Variants in EXD2 observed in about 807,000 individuals in gnomAD.
The protein encoded by EXD2 is exonuclease 3'-5' domain containing 2, also known as exonuclease 3'-5' domain-containing protein 2.
In EXD2, 40 loss-of-function variants were observed where a neutral mutation model predicts 62.5. That is an observed-to-expected ratio of 0.64 (90% CI 0.50 to 0.83). The LOEUF is 0.83. EXD2 is among the 40% of genes least tolerant of loss of function. EXD2 has a pLI of 0.00. For synonymous variants in EXD2, 239 were observed against 291.9 expected, an observed-to-expected ratio of 0.82 and a Z score of 1.85; for missense variants, 671 against 761.8, an observed-to-expected ratio of 0.88 and a Z score of 1.40.
Position 69,241,233 on chromosome 14 carries a change from C to G in EXD2, c.*133C>G. 1.5e-6 allele frequency: 1 copy of G among 688,610 alleles called. No individual in the cohort carries two copies. Among genetic ancestry groups the G allele is most frequent in the Non-Finnish European group, 2.4e-6 (1 of 420,370 alleles). 42.7% of individuals were successfully genotyped at this position (688,610 alleles called of 1,614,324 possible). ...ACTCAGAATACTAACCTAGACTAAT[C>G]CCAGGATGCTTCTGCTGGAGCAAAG... On this transcript the variant is annotated 3_prime_UTR_variant, in exon 10 of 10. Coordinates refer to ENST00000685843, the MANE Select transcript of EXD2 (RefSeq NM_001193360.2).
intron 3 of EXD2, among the ~76,000 whole-genome samples, chr14:69,225,092 C>G (rs2043313703): frequency 6.6e-6 from 1 of 152,244 alleles, no homozygotes; most frequent in African/African-American, 2.4e-5. Context: ...TCATCCTACT[C>G]TTATCGGCGT....
In EXD2 at chr14:69,209,558, C is replaced by G. The variant is rs1218590339; in HGVS notation, c.88C>G (p.Arg30Gly). The G allele has an allele frequency of 1.3e-6, 2 of 1,550,550 alleles. No individual in the cohort carries two copies. Among genetic ancestry groups the G allele is most frequent in the African/African-American group, 1.4e-5 (1 of 73,122 alleles). Residue 30 changes from arginine to glycine, a missense_variant, in exon 3 of 10, where the codon CGC (arginine) becomes GGC (glycine). Physicochemically the swap from Arg to Gly is moderately radical, Grantham distance 125. Coordinates refer to ENST00000685843, the MANE Select transcript of EXD2 (RefSeq NM_001193360.2). ...GTTTGTCCTCTGGAAAGGCATCCAG[C>G]GCCGCCGAAGGAGTAAAACGAGTCC... ...GGFVLWKGIQ[R>G]RRRSKTSPVT...
At chr14:69,208,126 G>A (rs895617272) in intron 2 of EXD2, among the ~76,000 whole-genome samples, 2 of 150,758 alleles carry the variant, frequency 1.3e-5, no homozygotes, top group East Asian at 3.9e-4. Context: ...ACGAACTCCT[G>A]ACCTCAGGTG....
chr14:69,226,153 AT>A (rs766002934), intron 3 of EXD2, among the ~76,000 whole-genome samples: 4 of 152,200 alleles, frequency 2.6e-5, no homozygotes, highest in Non-Finnish European at 5.9e-5. Context: ...AGAAGTAGAG[AT>A]TTATAGCTTT....
intron 3 of EXD2, among the ~76,000 whole-genome samples, chr14:69,218,269 A>C (rs2043052096): frequency 6.6e-6 from 1 of 151,966 alleles, no homozygotes; most frequent in African/African-American, 2.4e-5. Context: ...TTTGATTTGC[A>C]TTTCTCTGAT....
Position 69,209,720 on chromosome 14 carries a change from C to A in EXD2, c.250C>A (p.Gln84Lys). The stretch of plus-strand genomic sequence containing the variant: ...TAAAGCAAAGGTGGTGACGGTGTCT[C>A]AGGAGGCAGAGTGGGATCAAATCGA... ...ILKAKVVTVS[Q>K]EAEWDQIEPL... Residue 84 changes from glutamine (Q) to lysine (K), a missense_variant, in exon 3 of 10, where the codon CAG (glutamine) becomes AAG (lysine). Coordinates refer to ENST00000685843, the MANE Select transcript of EXD2 (RefSeq NM_001193360.2). 6.5e-7 allele frequency: 1 copy of A among 1,549,640 alleles called. No homozygotes were observed.
rs1480201671 is a variant in EXD2 at position 69,194,157 on chromosome 14, G to A, written c.-132+2566G>A. Reference sequence around the variant, plus strand: ...TCAGTCCATTCTTTTTTTTTTTTTTGAGTCAGAGTCTCGCTGTGTCGCCCA... The same window carrying A: ...TCAGTCCATTCTTTTTTTTTTTTTTAAGTCAGAGTCTCGCTGTGTCGCCCA... On this transcript the variant is annotated intron_variant, in intron 1 of 9. Transcript: ENST00000685843. Among the ~76,000 whole-genome samples, 3 of 107,676 alleles carry A rather than the reference G, an allele frequency of 2.8e-5. No individual in the cohort carries two copies. In the East Asian group the frequency reaches 8.5e-4, roughly 31 times the overall value. The allele number at this position is 107,676 out of a possible 152,430, so 70.6% of individuals were successfully genotyped here.
At chr14:69,215,106 G>A (rs546340901) in intron 3 of EXD2, among the ~76,000 whole-genome samples, 46 of 152,044 alleles carry the variant, frequency 3.0e-4, no homozygotes, top group Non-Finnish European at 5.6e-4. Context: ...TGGCCAACAT[G>A]GTGAAACCCC....
At chr14:69,195,954 C>T (rs1203531798) in intron 1 of EXD2, 1 of 152,176 alleles carries the variant, frequency 6.6e-6, no homozygotes, top group Non-Finnish European at 1.5e-5. Flanking sequence ...GAGGTTTATT[C>T]TCTCGCAGTT....
rs1016650883 is a variant in EXD2 at position 69,209,705 on chromosome 14, G to A, written c.235G>A (p.Val79Met). Residue 79 changes from valine (V) to methionine (M), a missense_variant, in exon 3 of 10, where the codon GTG becomes ATG. Transcript: ENST00000685843. ...GAAGGAACGGATCCTTAAAGCAAAG[G>A]TGGTGACGGTGTCTCAGGAGGCAGA... ...SWKERILKAKVVTVSQEAEWD... is the reference protein window; with the variant it reads ...SWKERILKAKMVTVSQEAEWD... 2.8e-5 allele frequency: 43 copies of A among 1,550,342 alleles called. No individual in the cohort carries two copies. The African/African-American group carries it at 5.5e-4, about 20-fold the overall frequency.
intron 1 of EXD2, among the ~76,000 whole-genome samples, chr14:69,197,798 A>G (rs1184627521): frequency 2.0e-5 from 3 of 152,258 alleles, no homozygotes; most frequent in Non-Finnish European, 1.5e-5. Flanking sequence ...AAAGTTTTTT[A>G]AAATGAAGTT....
At chr14:69,202,700 G>A (rs940863240) in intron 1 of EXD2, among the ~76,000 whole-genome samples, 5 of 152,170 alleles carry the variant, frequency 3.3e-5, no homozygotes, top group Non-Finnish European at 7.3e-5. Context: ...CCGTATGTTA[G>A]GAGATGTTAT....
At chr14:69,240,708 C>T (rs753121226) in intron 9 of EXD2, among the ~76,000 whole-genome samples, 176 bp from the exon 10 acceptor site, 5 of 152,104 alleles carry the variant, frequency 3.3e-5, no homozygotes, top group Non-Finnish European at 7.3e-5. Context: ...GTCGTATGTT[C>T]AGACTATAAA....
rs2044002213 is a variant in EXD2, at chr14:69,242,358, A to G, written c.*1258A>G. 1 of 231,566 alleles carries G rather than the reference A, an allele frequency of 4.3e-6. No homozygotes were observed. The highest frequency in any genetic ancestry group is 1.8e-4 in the South Asian group (1 of 5,518). 14.3% of individuals were successfully genotyped at this position (231,566 alleles called of 1,614,324 possible). The stretch of plus-strand genomic sequence containing the variant: ...AATAATAAAACTACTTGTAAGCACA[A>G]GGCTCACTGGATGTAAATGTAAAAC... On this transcript the variant is annotated 3_prime_UTR_variant, in exon 10 of 10. Coordinates refer to ENST00000685843, the MANE Select transcript of EXD2 (RefSeq NM_001193360.2).
chr14:69,240,385 TC>T (rs1232034307), intron 9 of EXD2, among the ~76,000 whole-genome samples: 1 of 152,194 alleles, frequency 6.6e-6, no homozygotes, highest in Non-Finnish European at 1.5e-5. Context: ...TGGCTTGGCA[TC>T]TTTTTGTGAG....
At chr14:69,231,050 G>A (rs1458040404) in intron 5 of EXD2, among the ~76,000 whole-genome samples, 1 of 152,128 alleles carries the variant, frequency 6.6e-6, no homozygotes, top group East Asian at 1.9e-4. Flanking sequence ...CTCCAGGTGT[G>A]AGCTACCGAG....
At chr14:69,192,016 T>A (rs11848820) in intron 1 of EXD2, 102,914 of 152,134 alleles carry the variant, frequency 0.68, 35,497 homozygotes, top group East Asian at 1. Context: ...CGGCAACAGC[T>A]GCTGTTTTCT....
chr14:69,207,528 T>A (rs1279607042), intron 2 of EXD2, among the ~76,000 whole-genome samples: 1 of 152,144 alleles, frequency 6.6e-6, no homozygotes, highest in Admixed American at 6.6e-5. Context: ...GATGAAACTT[T>A]TAAATAGTAA....
chr14:69,214,706 C>T (rs563056076), intron 3 of EXD2, among the ~76,000 whole-genome samples: 1 of 152,302 alleles, frequency 6.6e-6, no homozygotes, highest in East Asian at 1.9e-4. Flanking sequence ...TACCATTATC[C>T]TGTCTCAAGA....
Sources: gnomAD v4.1 joint callset for allele counts (sites outside exome capture counted in the v4.1 genomes callset) on GRCh38, gnomAD v4.1.1 for gene constraint, MANE v1.5 for transcripts, NCBI Gene and HGNC (gene_info 2026-07-23, HGNC 2026-07-21) for gene names.